Variants in ADAMTS3 observed in about 807,000 individuals in gnomAD.
The protein encoded by ADAMTS3 is ADAM metallopeptidase with thrombospondin type 1 motif 3, also known as A disintegrin and metalloproteinase with thrombospondin motifs 3.
Under a neutral mutation model 129.0 loss-of-function variants are expected in ADAMTS3, and 73 were observed. That is an observed-to-expected ratio of 0.57 (90% confidence interval 0.47 to 0.69). ADAMTS3 has a LOEUF of 0.69. ADAMTS3 is among the 30% of genes least tolerant of loss of function. ADAMTS3 has a pLI of 0.00. For missense variants in ADAMTS3, 1,457 were observed against 1,514.5 expected, an observed-to-expected ratio of 0.96 and a Z score of 0.63; for synonymous variants, 477 against 510.8, an observed-to-expected ratio of 0.93 and a Z score of 0.89.
At chr4:72,547,829 C>T (rs1467583922) in intron 3 of ADAMTS3, among the ~76,000 whole-genome samples, 1 of 152,148 alleles carries the variant, frequency 6.6e-6, no homozygotes, top group Non-Finnish European at 1.5e-5. Flanking sequence ...AACACTTAGC[C>T]TGACTATTGG....
At chr4:72,321,880 C>T (rs549332022) in intron 6 of ADAMTS3, among the ~76,000 whole-genome samples, 1 of 152,006 alleles carries the variant, frequency 6.6e-6, no homozygotes, top group Non-Finnish European at 1.5e-5. Flanking sequence ...GCTACCATCA[C>T]ATTAGGGTCA....
intron 3 of ADAMTS3, among the ~76,000 whole-genome samples, chr4:72,529,347 C>T (rs1720897769): frequency 6.6e-6 from 1 of 151,966 alleles, no homozygotes; most frequent in Admixed American, 6.6e-5. Context: ...TCAGGCCCCT[C>T]TACAGACTTA....
chr4:72,506,552 T>TA lies in ADAMTS3; in HGVS notation c.504+41925dup, dbSNP rs1720163906. Among the ~76,000 whole-genome samples, 4 of 152,328 alleles carry TA rather than the reference T, an allele frequency of 2.6e-5. No individual in the cohort carries two copies. In the East Asian group the frequency reaches 7.7e-4, roughly 29 times the overall value. ...GCTCACCACAGAATGGCTGATTTTA[T>TA]ATGAACTCAGGTTAAAAATTGTGTG... On this transcript the variant is annotated intron_variant, in intron 3 of 21. Coordinates refer to ENST00000286657, the MANE Select transcript of ADAMTS3 (RefSeq NM_014243.3).
Position 72,298,435 on chromosome 4 carries a change from G to T in ADAMTS3, c.2432C>A (p.Pro811His). ...GCTAGAGCGGGTATCATTTTCTTGA[G>T]GTATAATCTAACATACACATGAAAT... ...LHDPVIVLII[P>H]QENDTRSSLT... Residue 811 changes from proline to histidine, a missense_variant, in exon 18 of 22, where the codon CCT becomes CAT. By Grantham distance (77) the Pro-to-His change is moderately conservative. Coordinates refer to ENST00000286657, the MANE Select transcript of ADAMTS3 (RefSeq NM_014243.3). 6.3e-7 allele frequency: 1 copy of T among 1,597,480 alleles called. No individual in the cohort carries two copies. Among genetic ancestry groups the T allele is most frequent in the South Asian group, 1.1e-5 (1 of 88,166 alleles).
At chr4:72,428,666 G>T (rs1243502040) in intron 3 of ADAMTS3, among the ~76,000 whole-genome samples, 1 of 151,882 alleles carries the variant, frequency 6.6e-6, no homozygotes, top group Non-Finnish European at 1.5e-5. Context: ...ACAGGATTTG[G>T]GTTCTGGTCA....
intron 3 of ADAMTS3, among the ~76,000 whole-genome samples, chr4:72,496,391 G>C (rs1249785454): frequency 6.6e-6 from 1 of 152,136 alleles, no homozygotes; most frequent in East Asian, 1.9e-4. Flanking sequence ...GGATTATCCT[G>C]ACCATGGCAT....
intron 4 of ADAMTS3, among the ~76,000 whole-genome samples, chr4:72,387,924 C>A (rs1489207399): frequency 6.6e-6 from 1 of 152,108 alleles, no homozygotes; most frequent in East Asian, 1.9e-4. Flanking sequence ...ACATTAGACA[C>A]TAGAGAAGTA....
Position 72,455,974 on chromosome 4 carries a change from A to G in ADAMTS3, c.505-41003T>C, listed in dbSNP as rs183934698. Reference sequence around the variant, plus strand: ...AGTATATATACTATATATATTTTACATATAGTATATATACTATATATATTT... The same window carrying G: ...AGTATATATACTATATATATTTTACGTATAGTATATATACTATATATATTT... On this transcript the variant is annotated intron_variant, in intron 3 of 21. Coordinates refer to ENST00000286657, the MANE Select transcript of ADAMTS3 (RefSeq NM_014243.3). 3.1e-3 allele frequency among the ~76,000 whole-genome samples: 170 copies of G among 55,412 alleles called. 3 individuals carry two copies. Among genetic ancestry groups the G allele is most frequent in the Non-Finnish European group, 4.5e-3 (121 of 26,732 alleles). 36.4% of individuals were successfully genotyped at this position (55,412 alleles called of 152,430 possible).
At chr4:72,401,297 T>C (rs898322666) in intron 4 of ADAMTS3, among the ~76,000 whole-genome samples, 1 of 151,738 alleles carries the variant, frequency 6.6e-6, no homozygotes, top group African/African-American at 2.4e-5. Flanking sequence ...CTGGGCACGG[T>C]GGCTCACACC....
intron 11 of ADAMTS3, among the ~76,000 whole-genome samples, chr4:72,315,357 G>C (rs1340671529): frequency 6.6e-6 from 1 of 152,156 alleles, no homozygotes; most frequent in Non-Finnish European, 1.5e-5. Flanking sequence ...GATTATCCCA[G>C]ATTATCCATG....
At chr4:72,339,826 A>G (rs1720089232) in intron 4 of ADAMTS3, 133 bp from the exon 5 acceptor site, 2 of 713,934 alleles carry the variant, frequency 2.8e-6, no homozygotes, top group South Asian at 3.6e-5. Context: ...TTTTCAGTTT[A>G]TTCCTTAAAT....
At chr4:72,400,930 C>T (rs1560502156) in intron 4 of ADAMTS3, among the ~76,000 whole-genome samples, 1 of 147,312 alleles carries the variant, frequency 6.8e-6, no homozygotes, top group Non-Finnish European at 1.5e-5. Flanking sequence ...TATATATACA[C>T]ATATATATAT....
chr4:72,510,735 T>C (rs1393237255), intron 3 of ADAMTS3, among the ~76,000 whole-genome samples: 1 of 149,290 alleles, frequency 6.7e-6, no homozygotes, highest in Admixed American at 6.8e-5. Context: ...TACCAATAGA[T>C]GTTATTCACA....
At chr4:72,451,263 C>T (rs1718397242) in intron 3 of ADAMTS3, among the ~76,000 whole-genome samples, 2 of 151,604 alleles carry the variant, frequency 1.3e-5, no homozygotes, top group South Asian at 4.2e-4. Flanking sequence ...ACATTCAGCA[C>T]AAACTGACTG....
chr4:72,365,903 T>C (rs548329785), intron 4 of ADAMTS3, among the ~76,000 whole-genome samples: 1 of 152,340 alleles, frequency 6.6e-6, no homozygotes, highest in East Asian at 1.9e-4. Context: ...ATGAATTTTA[T>C]GGTTCGAAAA....
At chr4:72,405,178 T>A (rs1012160477) in intron 4 of ADAMTS3, among the ~76,000 whole-genome samples, 1 of 152,074 alleles carries the variant, frequency 6.6e-6, no homozygotes. Flanking sequence ...GATCCAGATA[T>A]CTCACTTCAG....
intron 10 of ADAMTS3, among the ~76,000 whole-genome samples, chr4:72,317,777 C>T (rs1387534079): frequency 1.3e-5 from 2 of 152,122 alleles, no homozygotes. Context: ...CCTGTAATCC[C>T]AGAACTTTGG....
At position 72,304,097 on chromosome 4, in the gene ADAMTS3, G is replaced by T; in HGVS notation, c.2261-17C>A. The T allele has an allele frequency of 6.2e-7, 1 of 1,610,410 alleles. No homozygotes were observed. Among genetic ancestry groups the T allele is most frequent in the Non-Finnish European group, 8.5e-7 (1 of 1,177,746 alleles). On this transcript the variant is annotated splice_polypyrimidine_tract_variant and intron_variant, in intron 16 of 21. Transcript: ENST00000286657. ...TCTTAATAGCTAAAGGGAGAAAAATGAGTAACCAGCATACATTTTATTTTA... is the reference window on the plus strand; with the variant it reads ...TCTTAATAGCTAAAGGGAGAAAAATTAGTAACCAGCATACATTTTATTTTA...
At chr4:72,501,620 G>T (rs144966305) in intron 3 of ADAMTS3, among the ~76,000 whole-genome samples, 1 of 152,134 alleles carries the variant, frequency 6.6e-6, no homozygotes, top group Non-Finnish European at 1.5e-5. Context: ...TCTCTTGCCT[G>T]ATTTATCTGA....
Sources: gnomAD v4.1 joint callset for allele counts (sites outside exome capture counted in the v4.1 genomes callset) on GRCh38, gnomAD v4.1.1 for gene constraint, MANE v1.5 for transcripts, NCBI Gene and HGNC (gene_info 2026-07-23, HGNC 2026-07-21) for gene names.